Variants in NBDY observed in about 807,000 individuals in gnomAD.
The protein encoded by NBDY is negative regulator of P-body association.
rs924699412 is a variant in NBDY at position 56,817,505 on chromosome X, C to A, written c.*352C>A. 1 of 111,839 alleles carries A rather than the reference C, an allele frequency of 8.9e-6. No homozygotes were observed. Among genetic ancestry groups the A allele is most frequent in the Non-Finnish European group, 1.9e-5 (1 of 53,191 alleles). 9.2% of individuals were successfully genotyped at this position (111,839 alleles called of 1,213,427 possible). A position where few individuals can be genotyped will look rare whatever the true frequency, so the allele number is the denominator to read the frequency against. ...AACCAGTGAACTCTTTTGGTGACAT[C>A]CTGTTCTTGTTGTATAACTTTATAT... On this transcript the variant is annotated 3_prime_UTR_variant, in exon 3 of 3. Coordinates refer to ENST00000374922, the MANE Select transcript of NBDY (RefSeq NM_001348129.2).
chrX:56,792,336 G>T (rs779816316), intron 2 of NBDY, among the ~76,000 whole-genome samples: 9 of 111,207 alleles, frequency 8.1e-5, no homozygotes, highest in Non-Finnish European at 1.7e-4. Flanking sequence ...AGGAGCTTTG[G>T]CAACTTGTCC....
intron 2 of NBDY, among the ~76,000 whole-genome samples, chrX:56,804,627 G>A (rs559614557): frequency 8.9e-6 from 1 of 112,456 alleles, no homozygotes. Flanking sequence ...TGAGGCTGGC[G>A]TGTCTTTGCA....
intron 2 of NBDY, among the ~76,000 whole-genome samples, chrX:56,804,181 G>C (rs935251446): frequency 1.8e-5 from 2 of 112,052 alleles, no homozygotes. Flanking sequence ...TGAGCACTAC[G>C]CTTGTAAATA....
chrX:56,802,309 A>G (rs966494553), intron 2 of NBDY, among the ~76,000 whole-genome samples: 2 of 111,963 alleles, frequency 1.8e-5, no homozygotes, highest in Non-Finnish European at 3.8e-5. Context: ...TTAAAAAGGG[A>G]CCACACCTTG....
intron 2 of NBDY, among the ~76,000 whole-genome samples, chrX:56,763,509 G>A (rs778637317): frequency 3.8e-4 from 43 of 112,716 alleles, no homozygotes; most frequent in African/African-American, 1.3e-3. Flanking sequence ...CCAGGCTTTC[G>A]TAGGACCCCC....
At chrX:56,752,663 G>A (rs945922717) in intron 2 of NBDY, among the ~76,000 whole-genome samples, 17 of 110,936 alleles carry the variant, frequency 1.5e-4, no homozygotes, top group Non-Finnish European at 3.0e-4. Context: ...ACTCTGGAGT[G>A]CAGTGGCAAG....
intron 2 of NBDY, among the ~76,000 whole-genome samples, chrX:56,794,564 G>T (rs1217240343): frequency 9.1e-6 from 1 of 109,887 alleles, no homozygotes; most frequent in African/African-American, 3.3e-5. Context: ...CTGGGCAGGG[G>T]TCCCAGTGAA....
chrX:56,788,763 G>C (rs11795954), intron 2 of NBDY, among the ~76,000 whole-genome samples: 1 of 112,433 alleles, frequency 8.9e-6, no homozygotes, highest in Admixed American at 9.3e-5. Flanking sequence ...TCCCTTATGC[G>C]TATCTCAAAA....
intron 2 of NBDY, among the ~76,000 whole-genome samples, chrX:56,756,197 C>T (rs1386671312): frequency 1.9e-5 from 2 of 105,560 alleles, no homozygotes; most frequent in African/African-American, 3.5e-5. Context: ...TGCTAAATGA[C>T]GAGTTAATGG....
intron 2 of NBDY, among the ~76,000 whole-genome samples, chrX:56,755,710 A>G (rs1330480771): frequency 9.1e-6 from 1 of 110,495 alleles, no homozygotes; most frequent in Admixed American, 9.6e-5. Context: ...AAACTAGTTG[A>G]ACCATTGTGG....
intron 2 of NBDY, among the ~76,000 whole-genome samples, chrX:56,785,522 T>A (rs1439565054): frequency 1.8e-5 from 2 of 111,003 alleles, no homozygotes; most frequent in Non-Finnish European, 3.8e-5. Flanking sequence ...AGGGGGCAGT[T>A]TTTCAGCTTT....
intron 2 of NBDY, among the ~76,000 whole-genome samples, chrX:56,782,163 G>T (rs375360150): frequency 1.8e-5 from 2 of 111,224 alleles, no homozygotes; most frequent in East Asian, 5.6e-4. Flanking sequence ...TCCTTAACTA[G>T]ATCCTTCAGG....
At chrX:56,802,430 C>A (rs2069828150) in intron 2 of NBDY, among the ~76,000 whole-genome samples, 1 of 93,119 alleles carries the variant, frequency 1.1e-5, no homozygotes. Context: ...TGTCACCCCT[C>A]CCCCCCACCC....
intron 2 of NBDY, among the ~76,000 whole-genome samples, chrX:56,799,914 C>T (rs886765248): frequency 2.7e-5 from 3 of 111,198 alleles, no homozygotes; most frequent in Non-Finnish European, 5.7e-5. Context: ...GCAGGGGGTC[C>T]CAGTAATCCA....
intron 2 of NBDY, among the ~76,000 whole-genome samples, chrX:56,753,299 G>T (rs779527144): frequency 8.9e-6 from 1 of 112,472 alleles, no homozygotes; most frequent in South Asian, 3.7e-4. Flanking sequence ...GACACAGAAG[G>T]CTTCTTGGAA....
chrX:56,758,332 A>C (rs2069621697), intron 2 of NBDY, among the ~76,000 whole-genome samples: 1 of 109,533 alleles, frequency 9.1e-6, no homozygotes, highest in Admixed American at 9.7e-5. Flanking sequence ...AAAAAAAAAA[A>C]AGAAAGAAAA....
At chrX:56,767,057 A>T (rs1006340172) in intron 2 of NBDY, among the ~76,000 whole-genome samples, 14 of 112,036 alleles carry the variant, frequency 1.2e-4, no homozygotes, top group African/African-American at 4.6e-4. Context: ...CTTTGGGAGG[A>T]CCCCCAATTC....
chrX:56,754,757 C>A (rs1259701870), intron 2 of NBDY, among the ~76,000 whole-genome samples: 1 of 110,507 alleles, frequency 9.0e-6, no homozygotes, highest in Non-Finnish European at 1.9e-5. Context: ...GATCTTGAAA[C>A]CTGACTCTAC....
chrX:56,737,149 T>C lies in NBDY; in HGVS notation c.*166+4950T>C, dbSNP rs778405835. 2.4e-4 allele frequency: 138 copies of C among 564,048 alleles called. 1 individual carries two copies. The highest frequency in any genetic ancestry group is 2.7e-4 in the Non-Finnish European group (86 of 316,824). 46.5% of individuals were successfully genotyped at this position (564,048 alleles called of 1,213,427 possible). ...CATTACAATAGACATTTATTTAAAG[T>C]AAAACATCTGCAGACCAAATAATTC... On this transcript the variant is annotated intron_variant, in intron 2 of 2. Transcript: ENST00000374922.
Sources: allele counts gnomAD v4.1 joint callset (sites outside exome capture counted in the v4.1 genomes callset), GRCh38; gene constraint gnomAD v4.1.1; transcripts MANE v1.5; gene names NCBI Gene and HGNC (gene_info 2026-07-23, HGNC 2026-07-21).